The following HERC2 variants were observed in gnomAD, a reference collection of about 807,000 sequenced individuals.
HERC2 encodes the protein HECT and RLD domain containing E3 ubiquitin protein ligase 2.
HERC2 carries 102 observed loss-of-function variants against 537.7 expected under a neutral mutation model. The ratio of observed to expected loss-of-function variants is 0.19; its 90% CI spans 0.16 to 0.22. The LOEUF (loss-of-function observed/expected upper bound fraction) is 0.22. Ranked by LOEUF, HERC2 falls within the 10% of genes least tolerant of loss-of-function variation. HERC2 has a pLI of 1.00. For missense variants in HERC2, 4,236 were observed against 6,198.2 expected, an observed-to-expected ratio of 0.68 and a Z score of 10.63; for synonymous variants, 2,224 against 2,466.2, an observed-to-expected ratio of 0.90 and a Z score of 2.91.
rs752753358 is a variant in HERC2, at chr15:28,265,204, G to A, written c.1870+414C>T. Among the ~76,000 whole-genome samples, 1 of 151,958 alleles carries A rather than the reference G, an allele frequency of 6.6e-6. No individual in the cohort carries two copies. The highest frequency in any genetic ancestry group is 1.5e-5 in the Non-Finnish European group (1 of 68,004). ...TTGAAAAAAGGATGATCTCACTTAG[G>A]AACACAAACATAAAACCAAAATTCA... is the stretch of plus-strand genomic sequence containing the variant. On this transcript the variant is annotated intron_variant, in intron 14 of 92. Coordinates refer to ENST00000261609, the MANE Select transcript of HERC2 (RefSeq NM_004667.6). This position sits in a 1 kb window ranked among gnomAD's most constrained non-coding sequence, Gnocchi z 4.0.
At chr15:28,159,821 T>C (rs1331906767) in intron 69 of HERC2, among the ~76,000 whole-genome samples, 2 of 152,226 alleles carry the variant, frequency 1.3e-5, no homozygotes, top group African/African-American at 4.8e-5. Flanking sequence ...ATTTTTAGAA[T>C]TTTCAGTTTT....
chr15:28,317,257 T>C (rs1479357409), intron 2 of HERC2, among the ~76,000 whole-genome samples: 1 of 152,040 alleles, frequency 6.6e-6, no homozygotes, highest in East Asian at 1.9e-4. Context: ...CGCCTGACTC[T>C]TTTGTATTTT....
chr15:28,157,000 G>A (rs1488025579), intron 69 of HERC2, among the ~76,000 whole-genome samples: 1 of 152,198 alleles, frequency 6.6e-6, no homozygotes, highest in South Asian at 2.1e-4. Context: ...CATCTATTGA[G>A]ATAATCATGT....
rs1245524706 is a variant in HERC2 at position 28,177,251 on chromosome 15, T to C, written c.9255-124A>G. On this transcript the variant is annotated intron_variant, in intron 60 of 92. Coordinates refer to ENST00000261609, the MANE Select transcript of HERC2 (RefSeq NM_004667.6). The surrounding 1 kb of genome is among the most constrained non-coding windows in gnomAD (Gnocchi z 5.0). ...GATCCACAGATCAACTATCAAAACT[T>C]AAAGCAGAACCGGTGAGACCAAAAC... 7.9e-7 allele frequency: 1 copy of C among 1,264,926 alleles called. No individual in the cohort carries two copies. Among genetic ancestry groups the C allele is most frequent in the Non-Finnish European group, 1.1e-6 (1 of 907,772 alleles). The allele number at this position is 1,264,926 out of a possible 1,614,324, so 78.4% of individuals were successfully genotyped here.
chr15:28,192,654 G>T (rs1896957690), intron 52 of HERC2, among the ~76,000 whole-genome samples: 1 of 152,128 alleles, frequency 6.6e-6, no homozygotes, highest in South Asian at 2.1e-4. Flanking sequence ...GAATTACAAG[G>T]TCAGAACCGC....
rs2075831072 is a variant in HERC2 at position 28,274,899 on chromosome 15, C to A, written c.643+6G>T. On this transcript the variant is annotated splice_donor_region_variant and intron_variant, in intron 6 of 92. Transcript: ENST00000261609. ...GCAGAACAACGCGCCACACCAGGGA[C>A]CGTACCTGATCGCCAGGCCCTGCGC... The A allele has an allele frequency of 1.2e-6, 2 of 1,608,052 alleles. No homozygotes were observed. Among genetic ancestry groups the A allele is most frequent in the Admixed American group, 1.7e-5 (1 of 59,978 alleles).
Position 28,281,187 on chromosome 15 carries a change from T to C in HERC2, c.323-900A>G, listed in dbSNP as rs1284746254. On this transcript the variant is annotated intron_variant, in intron 4 of 92. Transcript: ENST00000261609. Reference sequence around the variant, plus strand: ...CATTATATTATTCTCTCTTCTTCTATGTATCTTTGAAAATTTCCATACTAA... The same window carrying C: ...CATTATATTATTCTCTCTTCTTCTACGTATCTTTGAAAATTTCCATACTAA... 2.0e-5 allele frequency among the ~76,000 whole-genome samples: 3 copies of C among 152,222 alleles called. No individual in the cohort carries two copies. The South Asian group carries it at 6.2e-4, about 31-fold the overall frequency.
intron 3 of HERC2, among the ~76,000 whole-genome samples, chr15:28,297,992 C>T (rs1316947018): frequency 7.2e-6 from 1 of 139,598 alleles, no homozygotes; most frequent in Non-Finnish European, 1.5e-5. Context: ...TCACTGTACA[C>T]GTCTGTCAGT....
chr15:28,168,124 C>A (rs558878438), intron 67 of HERC2, among the ~76,000 whole-genome samples: 1 of 152,246 alleles, frequency 6.6e-6, no homozygotes, highest in African/African-American at 2.4e-5. Flanking sequence ...TGGTTCTTTC[C>A]CCCAAAATGT....
intron 69 of HERC2, among the ~76,000 whole-genome samples, chr15:28,159,090 T>G (rs904750345): frequency 6.6e-6 from 1 of 152,244 alleles, no homozygotes; most frequent in African/African-American, 2.4e-5. Flanking sequence ...CTTGTAGAGT[T>G]TCTGCCCAGA....
chr15:28,143,069 A>C (rs1386199026), intron 74 of HERC2, 117 bp from the exon 75 acceptor site: 1 of 861,566 alleles, frequency 1.2e-6, no homozygotes, highest in Non-Finnish European at 1.7e-6. Context: ...AAAAAAACTA[A>C]AAAAAAAAAG....
chr15:28,249,548 G>C (rs1301766895), intron 20 of HERC2, among the ~76,000 whole-genome samples: 2 of 152,174 alleles, frequency 1.3e-5, no homozygotes, highest in Non-Finnish European at 2.9e-5. Flanking sequence ...GCAAGGGAGA[G>C]ACAGTGCAGG....
intron 14 of HERC2, among the ~76,000 whole-genome samples, chr15:28,263,959 C>T (rs1370486866): frequency 2.8e-5 from 4 of 142,578 alleles, no homozygotes; most frequent in South Asian, 2.3e-4. Flanking sequence ...GTGGAGTTTG[C>T]GGCGAGCCGA....
chr15:28,246,658 G>A (rs1903737225), intron 22 of HERC2, 84 bp downstream of exon 22: 2 of 1,198,432 alleles, frequency 1.7e-6, no homozygotes. Context: ...AGTAAATGCA[G>A]GCATGCTGAT....
At chr15:28,148,896 T>C (rs1466654833) in intron 70 of HERC2, among the ~76,000 whole-genome samples, 1 of 144,524 alleles carries the variant, frequency 6.9e-6, no homozygotes, top group Non-Finnish European at 1.5e-5. Context: ...TATATTCTAG[T>C]AAAATTACTG....
At chr15:28,306,106 T>G (rs897940231) in intron 2 of HERC2, among the ~76,000 whole-genome samples, 1 of 152,226 alleles carries the variant, frequency 6.6e-6, no homozygotes, top group Non-Finnish European at 1.5e-5. Context: ...CATTATTATA[T>G]TGAATAACAG....
intron 2 of HERC2, among the ~76,000 whole-genome samples, chr15:28,310,130 C>T (rs932319542): frequency 2.0e-5 from 3 of 152,184 alleles, no homozygotes; most frequent in Non-Finnish European, 4.4e-5. Context: ...CATAGCAAGA[C>T]CGTCTCTACA....
chr15:28,244,880 G>A (rs1163709562), intron 23 of HERC2, among the ~76,000 whole-genome samples: 1 of 152,180 alleles, frequency 6.6e-6, no homozygotes, highest in Admixed American at 6.5e-5. Flanking sequence ...TCCAGCTTGA[G>A]ATTTCATATA....
intron 48 of HERC2, among the ~76,000 whole-genome samples, chr15:28,199,060 T>C (rs760314418): frequency 1.3e-5 from 2 of 151,910 alleles, no homozygotes; most frequent in Non-Finnish European, 2.9e-5. Context: ...GTTGAGAGGA[T>C]TGCTTGAGCC....
Sources: gnomAD v4.1 joint callset for allele counts (sites outside exome capture counted in the v4.1 genomes callset) on GRCh38, gnomAD v4.1.1 for gene constraint, Gnocchi (gnomAD v3.1) non-coding constraint, MANE v1.5 for transcripts, NCBI Gene and HGNC (gene_info 2026-07-23, HGNC 2026-07-21) for gene names.